The following DDAH1 variants were observed in gnomAD, a reference collection of about 807,000 sequenced individuals.
DDAH1 encodes dimethylarginine dimethylaminohydrolase 1, also known as N(G),N(G)-dimethylarginine dimethylaminohydrolase 1.
In DDAH1, 19 loss-of-function variants were observed where a neutral mutation model predicts 28.8. That is an observed-to-expected ratio of 0.66 (90% CI 0.46 to 0.97). The LOEUF (loss-of-function observed/expected upper bound fraction) is 0.97, where lower values mean the gene tolerates loss of function less well. DDAH1 is among the 50% of genes least tolerant of loss of function. The probability of loss-of-function intolerance (pLI) is 0.00; values close to 1 mark genes in which losing one functional copy is unlikely to be tolerated. For missense variants in DDAH1, 326 were observed against 375.9 expected (o/e 0.87, Z 1.10); for synonymous variants, 153 against 154.4 (o/e 0.99, Z 0.07).
At chr1:85,511,053 C>G (rs899359855) in intron 1 of DDAH1, among the ~76,000 whole-genome samples, 1 of 152,172 alleles carries the variant, frequency 6.6e-6, no homozygotes, top group Non-Finnish European at 1.5e-5. Context: ...ATACATTCTT[C>G]TCAGCACCAT....
intron 1 of DDAH1, among the ~76,000 whole-genome samples, chr1:85,415,005 C>CTTTTTTTTTTT (rs71727580): frequency 1.0e-4 from 6 of 57,606 alleles, no homozygotes; most frequent in African/African-American, 3.2e-4. Context: ...TCAAGTGTTG[C>CTTTTTTTTTTT]TTTTTTTTTT....
At chr1:85,426,896 G>A (rs1373114402) in intron 1 of DDAH1, among the ~76,000 whole-genome samples, 1 of 128,062 alleles carries the variant, frequency 7.8e-6, no homozygotes, top group Non-Finnish European at 1.6e-5. Flanking sequence ...GGGCAACAGA[G>A]TGAGACTCTG....
At chr1:85,564,324 A>T (rs1034870108) in intron 1 of DDAH1, among the ~76,000 whole-genome samples, 1 of 152,216 alleles carries the variant, frequency 6.6e-6, no homozygotes, top group Non-Finnish European at 1.5e-5. Flanking sequence ...GAAAACAGGG[A>T]AAAAGACTAA....
chr1:85,336,279 C>A (rs1377115818), intron 4 of DDAH1, among the ~76,000 whole-genome samples: 1 of 151,888 alleles, frequency 6.6e-6, no homozygotes, highest in East Asian at 1.9e-4. Flanking sequence ...GTTAAAAAAT[C>A]AAAATTAGGC....
intron 1 of DDAH1, among the ~76,000 whole-genome samples, chr1:85,385,903 G>C (rs1367317541): frequency 6.6e-6 from 1 of 152,160 alleles, no homozygotes; most frequent in African/African-American, 2.4e-5. Context: ...GGTATAAGCA[G>C]AGATCACATG....
intron 1 of DDAH1, among the ~76,000 whole-genome samples, chr1:85,529,738 T>C (rs1173223619): frequency 1.1e-4 from 16 of 147,260 alleles, no homozygotes; most frequent in Non-Finnish European, 2.2e-4. Flanking sequence ...TCCTGTTCGA[T>C]GTTGCGTCCC....
Position 85,418,921 on chromosome 1 carries a change from T to G in DDAH1, c.303+45822A>C, listed in dbSNP as rs1407643185. 3.3e-5 allele frequency among the ~76,000 whole-genome samples: 5 copies of G among 152,306 alleles called. No homozygotes were observed. The East Asian group carries it at 9.7e-4, about 29-fold the overall frequency. ...TATCTCTCCAACTTGGCTCCCTCTA[T>G]GCCCTCTGCTCATATCGTAGTTGGG... On this transcript the variant is annotated intron_variant, in intron 1 of 5. Transcript: ENST00000284031.
intron 1 of DDAH1, among the ~76,000 whole-genome samples, chr1:85,516,612 G>A (rs1424745996): frequency 6.7e-6 from 1 of 149,510 alleles, no homozygotes; most frequent in Non-Finnish European, 1.5e-5. Context: ...AGCCTTAGTT[G>A]TCATAAATGA....
intron 1 of DDAH1, among the ~76,000 whole-genome samples, chr1:85,443,975 C>G (rs1241437152): frequency 1.3e-5 from 2 of 152,198 alleles, no homozygotes; most frequent in Non-Finnish European, 2.9e-5. Flanking sequence ...GACAATTTGA[C>G]TTCCTTTTTT....
chr1:85,417,030 C>A (rs1455399606), intron 1 of DDAH1, among the ~76,000 whole-genome samples: 1 of 152,120 alleles, frequency 6.6e-6, no homozygotes, highest in African/African-American at 2.4e-5. Context: ...AGTGGTCCTA[C>A]ATATAACATC....
intron 1 of DDAH1, among the ~76,000 whole-genome samples, chr1:85,363,544 A>G (rs1649898364): frequency 6.6e-6 from 1 of 152,142 alleles, no homozygotes; most frequent in Non-Finnish European, 1.5e-5. Context: ...GTTGGTAGTG[A>G]GATGGTTTCA....
intron 1 of DDAH1, among the ~76,000 whole-genome samples, chr1:85,400,852 C>A (rs982012368): frequency 1.3e-5 from 2 of 152,134 alleles, no homozygotes; most frequent in African/African-American, 4.8e-5. Context: ...TAATGGTAAT[C>A]ATTTTATCTT....
At chr1:85,489,083 C>T (rs992761817) in intron 2 of DDAH1, among the ~76,000 whole-genome samples, 3 of 152,176 alleles carry the variant, frequency 2.0e-5, no homozygotes, top group Non-Finnish European at 4.4e-5. Flanking sequence ...CCATTCTAGC[C>T]ATTCTAAACA....
At chr1:85,466,093 G>A (rs1055915553), upstream of DDAH1, among the ~76,000 whole-genome samples, 2 of 152,222 alleles carry the variant, frequency 1.3e-5, no homozygotes, top group Non-Finnish European at 2.9e-5. Context: ...AGGAAACTCT[G>A]GATTTCTAGG....
At chr1:85,449,627 C>T (rs1472033798) in intron 1 of DDAH1, among the ~76,000 whole-genome samples, 5 of 152,106 alleles carry the variant, frequency 3.3e-5, no homozygotes, top group Admixed American at 2.6e-4. Context: ...ATAAACGATA[C>T]TGCTGTTGTT....
chr1:85,509,632 A>G (rs553286488), intron 1 of DDAH1, among the ~76,000 whole-genome samples: 1 of 152,336 alleles, frequency 6.6e-6, no homozygotes, highest in East Asian at 1.9e-4. Flanking sequence ...AACAATGTAG[A>G]GAAGACCTTA....
chr1:85,401,486 TTTTCTTTTTTC>T (rs1355417234), intron 1 of DDAH1, among the ~76,000 whole-genome samples: 1 of 141,064 alleles, frequency 7.1e-6, no homozygotes, highest in African/African-American at 2.6e-5. Flanking sequence ...AGCTTTTCTT[TTTTCTTTTTTC>T]TTTCTTTTTT....
chr1:85,344,383 C>T (rs1180271497), intron 4 of DDAH1, among the ~76,000 whole-genome samples: 1 of 152,090 alleles, frequency 6.6e-6, no homozygotes, highest in Admixed American at 6.6e-5. Context: ...ATTCCTCTCC[C>T]ACGGGGTTAG....
At chr1:85,396,947 G>A (rs1033364016) in intron 1 of DDAH1, among the ~76,000 whole-genome samples, 1 of 151,716 alleles carries the variant, frequency 6.6e-6, no homozygotes, top group Non-Finnish European at 1.5e-5. Context: ...AGAGGTGGGA[G>A]GATCGCCTGA....
Sources: gnomAD v4.1 joint callset for allele counts (sites outside exome capture counted in the v4.1 genomes callset) on GRCh38, gnomAD v4.1.1 for gene constraint, MANE v1.5 for transcripts, NCBI Gene and HGNC (gene_info 2026-07-23, HGNC 2026-07-21) for gene names.